Variants in ATG7 observed in about 807,000 individuals in gnomAD.
The protein encoded by ATG7 is autophagy related 7, also known as ubiquitin-like modifier-activating enzyme ATG7.
A neutral mutation model predicts 82.4 loss-of-function variants in ATG7; 70 were observed. The observed-to-expected ratio is 0.85, with a 90% CI of 0.70 to 1.04. The LOEUF (loss-of-function observed/expected upper bound fraction) is 1.04. Among genes scored for constraint, ATG7 ranks in the 50% least tolerant of loss-of-function variants. The pLI, the probability that ATG7 is intolerant of heterozygous loss-of-function variation, is 0.00. For missense variants in ATG7, 792 were observed against 864.3 expected (o/e 0.92, Z 1.05); for synonymous variants, 287 against 313.0 (o/e 0.92, Z 0.88).
chr3:11,312,307 C>CA (rs1418718106), intron 7 of ATG7, among the ~76,000 whole-genome samples: 2 of 152,134 alleles, frequency 1.3e-5, no homozygotes, highest in Admixed American at 1.3e-4. Flanking sequence ...GGCAAGCTGC[C>CA]AAATACCCAC....
chr3:11,426,732 T>TA, intron 19 of ATG7, 72 bp from the exon 20 acceptor site: 6 of 1,362,648 alleles, frequency 4.4e-6, no homozygotes, highest in Non-Finnish European at 5.9e-6. Flanking sequence ...AAGAGCTTGT[T>TA]AGAAGTGAAA....
chr3:11,336,142 T>G (rs1952445616), intron 11 of ATG7, among the ~76,000 whole-genome samples: 1 of 151,306 alleles, frequency 6.6e-6, no homozygotes, highest in Non-Finnish European at 1.5e-5. Context: ...AAAGCAATTC[T>G]TCTGCCTCAG....
intron 7 of ATG7, among the ~76,000 whole-genome samples, chr3:11,310,109 A>G (rs137940571): frequency 0.012 from 1,847 of 151,964 alleles, 23 homozygotes; most frequent in South Asian, 0.021. Context: ...AGGCTGCAGC[A>G]TGCCATGATT....
intron 20 of ATG7, chr3:11,510,459 C>A: frequency 2.7e-6 from 1 of 365,510 alleles, no homozygotes; most frequent in Non-Finnish European, 5.4e-6. Context: ...CCCACCCCCT[C>A]CCCCATCCCA....
At chr3:11,353,817 A>T (rs772002448) in intron 14 of ATG7, among the ~76,000 whole-genome samples, 7 of 152,184 alleles carry the variant, frequency 4.6e-5, no homozygotes, top group Admixed American at 1.3e-4. Context: ...CAACCTGGAG[A>T]ACCATAAGCC....
chr3:11,402,021 G>GT (rs543580651), intron 19 of ATG7, among the ~76,000 whole-genome samples: 10 of 151,858 alleles, frequency 6.6e-5, no homozygotes, highest in South Asian at 2.1e-4. Flanking sequence ...AACTTGGTGG[G>GT]TTTTTTTTCA....
chr3:11,465,444 CAA>C (rs34071637), intron 20 of ATG7, among the ~76,000 whole-genome samples: 14 of 116,778 alleles, frequency 1.2e-4, no homozygotes, highest in South Asian at 2.8e-4. Context: ...GACTCTGTCT[CAA>C]AAAAAAAAAA....
intron 20 of ATG7, among the ~76,000 whole-genome samples, chr3:11,452,240 C>T (rs1374881952): frequency 6.6e-6 from 1 of 151,878 alleles, no homozygotes; most frequent in South Asian, 2.1e-4. Context: ...CAAAAACTAG[C>T]TGGGCATGGT....
At chr3:11,317,819 C>A (rs1395610300) in intron 9 of ATG7, among the ~76,000 whole-genome samples, 1 of 152,116 alleles carries the variant, frequency 6.6e-6, no homozygotes, top group Non-Finnish European at 1.5e-5. Flanking sequence ...TCTCAAACTC[C>A]TGACCTCGTG....
intron 20 of ATG7, among the ~76,000 whole-genome samples, chr3:11,493,232 C>G (rs1471616772): frequency 6.6e-6 from 1 of 152,216 alleles, no homozygotes; most frequent in Non-Finnish European, 1.5e-5. Context: ...CAATTTGCCT[C>G]TCTGCCCCTC....
intron 20 of ATG7, among the ~76,000 whole-genome samples, chr3:11,497,658 G>A (rs2090961405): frequency 6.6e-6 from 1 of 150,608 alleles, no homozygotes; most frequent in Admixed American, 6.6e-5. Context: ...CTAGTCCCTC[G>A]AGATACAAAG....
chr3:11,551,433 G>GACGTCCTATGCAGTAGATAGAGACGT (rs1177578836), intron 20 of ATG7, among the ~76,000 whole-genome samples: 1 of 152,246 alleles, frequency 6.6e-6, no homozygotes, highest in African/African-American at 2.4e-5. Context: ...GTCCTATGCA[G>GACGTCCTATGCAGTAGATAGAGACGT]AAACAAGGGG....
intron 20 of ATG7, among the ~76,000 whole-genome samples, chr3:11,448,405 T>A (rs890841927): frequency 6.6e-6 from 1 of 152,162 alleles, no homozygotes; most frequent in Non-Finnish European, 1.5e-5. Context: ...CTGGAGCCCC[T>A]GAGGTCAGCA....
In ATG7 at chr3:11,530,981, G is replaced by A. The variant is rs527562567; in HGVS notation, c.2080-23830G>A. 6.6e-5 allele frequency among the ~76,000 whole-genome samples: 10 copies of A among 152,128 alleles called. 1 individual carries two copies. The highest frequency in any genetic ancestry group is 1.3e-4 in the Non-Finnish European group (9 of 68,004). The stretch of plus-strand genomic sequence containing the variant: ...GGGTGACAGAGTGATACTCTATCTC[G>A]GAAAATAATAATAATAAAATGAAGA... On this transcript the variant is annotated intron_variant, in intron 20 of 20. Transcript: ENST00000693202.
At chr3:11,483,370 T>C (rs1349758927) in intron 20 of ATG7, among the ~76,000 whole-genome samples, 1 of 152,194 alleles carries the variant, frequency 6.6e-6, no homozygotes, top group Admixed American at 6.5e-5. Context: ...GTTCTTAGAA[T>C]TGTCAGATAT....
chr3:11,510,256 G>C, intron 20 of ATG7: 1 of 456,484 alleles, frequency 2.2e-6, no homozygotes, highest in Non-Finnish European at 4.4e-6. Context: ...CTCAGGAGTC[G>C]GCTGCCTGTC....
intron 20 of ATG7, among the ~76,000 whole-genome samples, chr3:11,543,275 G>A (rs2070988302): frequency 1.3e-5 from 2 of 152,246 alleles, no homozygotes; most frequent in South Asian, 2.1e-4. Flanking sequence ...CCCCGGAGCA[G>A]TGGGTGTCAT....
At chr3:11,384,707 C>T (rs2078179738) in intron 19 of ATG7, among the ~76,000 whole-genome samples, 1 of 152,202 alleles carries the variant, frequency 6.6e-6, no homozygotes, top group African/African-American at 2.4e-5. Context: ...CACCTGTAAT[C>T]CCAGCACTTT....
intron 19 of ATG7, among the ~76,000 whole-genome samples, chr3:11,424,724 C>T (rs1313411737): frequency 2.0e-5 from 3 of 152,000 alleles, no homozygotes; most frequent in African/African-American, 4.8e-5. Context: ...ACAGAGGCTA[C>T]TATTTGATGT....
Sources: allele counts gnomAD v4.1 joint callset (sites outside exome capture counted in the v4.1 genomes callset), GRCh38; gene constraint gnomAD v4.1.1; transcripts MANE v1.5; gene names NCBI Gene and HGNC (gene_info 2026-07-23, HGNC 2026-07-21).